The following RNF130 variants were observed in gnomAD, a reference collection of about 807,000 sequenced individuals.
RNF130 encodes the protein ring finger protein 130.
A neutral mutation model predicts 44.6 loss-of-function variants in RNF130; 21 were observed. The observed-to-expected ratio is 0.47, with a 90% CI of 0.33 to 0.68. RNF130 has a LOEUF of 0.68. Among genes scored for constraint, RNF130 ranks in the 30% least tolerant of loss-of-function variants. The pLI is 0.02. For synonymous variants in RNF130, 214 were observed against 210.4 expected, an observed-to-expected ratio of 1.02 and a Z score of -0.15; for missense variants, 479 against 560.6, an observed-to-expected ratio of 0.85 and a Z score of 1.47.
chr5:179,988,592 T>A (rs938206004), intron 3 of RNF130, among the ~76,000 whole-genome samples: 1 of 150,526 alleles, frequency 6.6e-6, no homozygotes, highest in East Asian at 2.0e-4. Flanking sequence ...GGTTTTGGTA[T>A]GTTTTATTTC....
chr5:179,970,541 A>G (rs775373209), intron 5 of RNF130, 35 bp from the exon 6 acceptor site: 3 of 1,521,250 alleles, frequency 2.0e-6, no homozygotes, highest in Admixed American at 3.7e-5. Flanking sequence ...CACAAGTTAC[A>G]TACCAAGAAA....
At chr5:180,037,945 ATTTC>A (rs1196701703) in intron 2 of RNF130, among the ~76,000 whole-genome samples, 1 of 152,086 alleles carries the variant, frequency 6.6e-6, no homozygotes, top group Non-Finnish European at 1.5e-5. Flanking sequence ...ATACCCCTGC[ATTTC>A]TTTAATTTGT....
intron 5 of RNF130, 57 bp from the exon 6 acceptor site, chr5:179,970,563 A>T: frequency 7.4e-7 from 1 of 1,345,614 alleles, no homozygotes; most frequent in Non-Finnish European, 1.0e-6. Flanking sequence ...TTATTAGGCC[A>T]AAATGGAAAG....
At chr5:180,002,757 G>A (rs890540946) in intron 3 of RNF130, among the ~76,000 whole-genome samples, 6 of 152,216 alleles carry the variant, frequency 3.9e-5, no homozygotes, top group East Asian at 1.9e-4. Flanking sequence ...TATCTCAAAC[G>A]TCTGTGCTCT....
chr5:180,058,248 T>C (rs1029428568), intron 1 of RNF130, among the ~76,000 whole-genome samples: 5 of 152,216 alleles, frequency 3.3e-5, no homozygotes, highest in Non-Finnish European at 5.9e-5. Flanking sequence ...CATCAGTGTG[T>C]TCATTCTGTG....
intron 2 of RNF130, among the ~76,000 whole-genome samples, chr5:180,022,903 A>T (rs928987245): frequency 6.6e-6 from 1 of 152,264 alleles, no homozygotes; most frequent in African/African-American, 2.4e-5. Context: ...CATTAAGTAG[A>T]GAGTTCGGCA....
At chr5:179,959,916 G>A (rs953100367) in intron 8 of RNF130, among the ~76,000 whole-genome samples, 21 of 152,010 alleles carry the variant, frequency 1.4e-4, no homozygotes, top group Non-Finnish European at 2.4e-4. Context: ...ATGAGCTACC[G>A]TTCTCTGCAA....
intron 2 of RNF130, among the ~76,000 whole-genome samples, chr5:180,018,542 G>A (rs868234216): frequency 5.9e-5 from 9 of 152,224 alleles, no homozygotes; most frequent in Non-Finnish European, 7.4e-5. Flanking sequence ...TGACATGTGG[G>A]GATTATAGGG....
At chr5:179,926,429 T>C (rs1346486139) in intron 7 of RNF130, among the ~76,000 whole-genome samples, 1 of 152,180 alleles carries the variant, frequency 6.6e-6, no homozygotes, top group Non-Finnish European at 1.5e-5. Context: ...GCGGATCACC[T>C]GAGATCAGGA....
chr5:180,002,041 G>A (rs1489967378), intron 3 of RNF130, among the ~76,000 whole-genome samples: 4 of 152,184 alleles, frequency 2.6e-5, no homozygotes, highest in Non-Finnish European at 4.4e-5. Context: ...TCAGGCCCAG[G>A]GAGCATACTC....
chr5:180,002,859 A>C (rs1016500324), intron 3 of RNF130, among the ~76,000 whole-genome samples: 11 of 152,004 alleles, frequency 7.2e-5, no homozygotes, highest in Non-Finnish European at 1.0e-4. Context: ...CTTTTTTTGC[A>C]AGGAGGACAA....
At chr5:180,055,941 AGGCATG>A (rs948863252) in intron 1 of RNF130, among the ~76,000 whole-genome samples, 3 of 151,960 alleles carry the variant, frequency 2.0e-5, no homozygotes, top group African/African-American at 7.3e-5. Context: ...AAAATTAGCC[AGGCATG>A]GTGGTGGGCA....
chr5:180,023,124 G>C (rs746913943), intron 2 of RNF130, among the ~76,000 whole-genome samples: 1 of 152,220 alleles, frequency 6.6e-6, no homozygotes, highest in African/African-American at 2.4e-5. Flanking sequence ...TGATAAGAAA[G>C]GAGAGAGAGC....
chr5:179,924,009 GT>G (rs1236296356), intron 7 of RNF130, among the ~76,000 whole-genome samples: 5 of 152,226 alleles, frequency 3.3e-5, no homozygotes, highest in Admixed American at 3.3e-4. Context: ...GGCAACCTCT[GT>G]TTTCTTAACT....
At chr5:180,047,908 C>T (rs959801077) in intron 1 of RNF130, among the ~76,000 whole-genome samples, 3 of 152,054 alleles carry the variant, frequency 2.0e-5, no homozygotes, top group East Asian at 1.9e-4. Context: ...TTCCTCCAGT[C>T]GAACCTTCAA....
chr5:180,012,324 T>C (rs1233218685), intron 3 of RNF130, among the ~76,000 whole-genome samples: 3 of 152,140 alleles, frequency 2.0e-5, no homozygotes, highest in Non-Finnish European at 4.4e-5. Flanking sequence ...TCCAAGCAAG[T>C]CACTTCTTAG....
chr5:179,974,087 G>A (rs527827730), intron 5 of RNF130, among the ~76,000 whole-genome samples: 40 of 152,258 alleles, frequency 2.6e-4, no homozygotes, highest in South Asian at 4.1e-4. Context: ...GCAGCCTCTT[G>A]GTGCCATGTA....
chr5:179,998,888 T>A (rs867365574), intron 3 of RNF130, among the ~76,000 whole-genome samples: 4,952 of 106,320 alleles, frequency 0.047, 420 homozygotes, highest in African/African-American at 0.055. Context: ...TATATATGTT[T>A]TATATATCTG....
chr5:180,028,969 TAC>T (rs1262683268), intron 2 of RNF130, among the ~76,000 whole-genome samples: 3 of 152,170 alleles, frequency 2.0e-5, no homozygotes, highest in South Asian at 2.1e-4. Context: ...TGTTATACAT[TAC>T]AGTTTGTTAG....
Sources: allele counts gnomAD v4.1 joint callset (sites outside exome capture counted in the v4.1 genomes callset), GRCh38; gene constraint gnomAD v4.1.1; transcripts MANE v1.5; gene names NCBI Gene and HGNC (gene_info 2026-07-23, HGNC 2026-07-21).